RNF111: variants seen among roughly 807,000 people sequenced by gnomAD.
RNF111 encodes the protein ring finger protein 111, also known as E3 ubiquitin-protein ligase Arkadia.
RNF111 carries 17 observed loss-of-function variants against 95.1 expected under a neutral mutation model. That is an observed-to-expected ratio of 0.18 (90% confidence interval 0.12 to 0.27). The LOEUF (loss-of-function observed/expected upper bound fraction) is 0.27. Ranked by LOEUF, RNF111 falls within the 10% of genes least tolerant of loss-of-function variation. The pLI is 1.00. For synonymous variants in RNF111, 440 were observed against 414.8 expected, an observed-to-expected ratio of 1.06 and a Z score of -0.74; for missense variants, 1,189 against 1,210.4, an observed-to-expected ratio of 0.98 and a Z score of 0.26.
rs2079162795 is a variant in RNF111 at position 59,095,513 on chromosome 15, CAGT to C, written c.*615_*617del. 6.5e-6 allele frequency: 1 copy of C among 153,030 alleles called. No homozygotes were observed. Among genetic ancestry groups the C allele is most frequent in the Admixed American group, 6.5e-5 (1 of 15,278 alleles). The allele number at this position is 153,030 out of a possible 1,614,324, so 9.5% of individuals were successfully genotyped here. ...GTGGTAGTCACATCACCAGAGTGAT[CAGT>C]ATAAATTTTCTTGGTGTATCCTTTT... On this transcript the variant is annotated 3_prime_UTR_variant, in exon 14 of 14. Transcript: ENST00000348370.
At chr15:59,057,828 A>G (rs964632371) in intron 4 of RNF111, among the ~76,000 whole-genome samples, 10 of 152,368 alleles carry the variant, frequency 6.6e-5, no homozygotes, top group Admixed American at 5.9e-4. Flanking sequence ...TGACAGTTCT[A>G]TGAAGAAAAT....
rs755807411 is a variant in RNF111, at chr15:59,052,373, A to G, written c.949A>G (p.Ile317Val). The change falls in exon 3 of 14, where the codon ATT becomes GTT. Residue 317 changes from isoleucine (I) to valine (V), a missense_variant. Ile to Val is a conservative substitution (Grantham distance 29, BLOSUM62 3). This residue lies in a region of RNF111 where 1,024 missense variants were observed against 925.9 expected (regional missense o/e 1.11). Coordinates refer to ENST00000348370, the MANE Select transcript of RNF111 (RefSeq NM_017610.8). ...TCCCCAGGTTACTGCCAATGAAGAA[A>G]TTAATGTTACCTCAACTGACAGTGA... The part of the protein sequence containing the change: ...STPQVTANEE[I>V]NVTSTDSEVE... The G allele has an allele frequency of 1.2e-6, 2 of 1,606,778 alleles. No homozygotes were observed. Among genetic ancestry groups the G allele is most frequent in the East Asian group, 2.2e-5 (1 of 44,534 alleles).
intron 1 of RNF111, among the ~76,000 whole-genome samples, chr15:59,021,263 G>T (rs1383421439): frequency 1.3e-5 from 2 of 152,140 alleles, no homozygotes; most frequent in Non-Finnish European, 2.9e-5. Flanking sequence ...TGATTCTCCT[G>T]TCTCAGCCTG....
intron 6 of RNF111, among the ~76,000 whole-genome samples, chr15:59,071,290 C>T (rs548226328): frequency 9.3e-6 from 1 of 107,902 alleles, no homozygotes; most frequent in East Asian, 2.6e-4. Context: ...CAGAGCGAGA[C>T]TCCATCTCAA....
At position 59,005,076 on chromosome 15, in the gene RNF111, A is replaced by G. The variant is rs150163497; in HGVS notation, c.-20+17008A>G. ...AGTTCACTTTATGGGCTTGATGTCTATCTAGAGGTGTTCTCCCAAATTCCA... is the reference window on the plus strand; with the variant it reads ...AGTTCACTTTATGGGCTTGATGTCTGTCTAGAGGTGTTCTCCCAAATTCCA... On this transcript the variant is annotated intron_variant, in intron 1 of 13. Transcript: ENST00000348370. Among the ~76,000 whole-genome samples, 381 of 152,296 alleles carry G rather than the reference A, an allele frequency of 2.5e-3. 3 individuals are homozygous for G. The highest frequency in any genetic ancestry group is 8.8e-3 in the African/African-American group (366 of 41,564).
chr15:58,988,076 G>T lies in RNF111; in HGVS notation c.-20+8G>T, dbSNP rs939383081. On this transcript the variant is annotated splice_region_variant and intron_variant, in intron 1 of 13. Coordinates refer to ENST00000348370, the MANE Select transcript of RNF111 (RefSeq NM_017610.8). ...GGGTGGCTAATGATTAAGGTGAGGG[G>T]AACGGGGGGGGAGGGGATCCATTGG... The T allele has an allele frequency of 7.1e-6, 1 of 140,148 alleles. No individual in the cohort carries two copies. The highest frequency in any genetic ancestry group is 2.6e-4 in the South Asian group (1 of 3,816). 8.7% of individuals were successfully genotyped at this position (140,148 alleles called of 1,614,324 possible). A position where few individuals can be genotyped will look rare whatever the true frequency, so the allele number is the denominator to read the frequency against.
At chr15:59,046,060 TAAC>T (rs1215898803) in intron 2 of RNF111, among the ~76,000 whole-genome samples, 143 of 152,346 alleles carry the variant, frequency 9.4e-4, no homozygotes, top group Non-Finnish European at 2.5e-4. Context: ...TAATTGATAA[TAAC>T]ATTTCGCAAA....
intron 9 of RNF111, among the ~76,000 whole-genome samples, chr15:59,084,667 ATTC>A (rs2078846440): frequency 6.6e-6 from 1 of 152,096 alleles, no homozygotes; most frequent in Non-Finnish European, 1.5e-5. Flanking sequence ...ACGGTACGTT[ATTC>A]TTCACTGTAG....
intron 2 of RNF111, among the ~76,000 whole-genome samples, chr15:59,036,433 C>T (rs924464526): frequency 1.3e-5 from 2 of 152,150 alleles, no homozygotes; most frequent in African/African-American, 2.4e-5. Context: ...GCCTCACAAT[C>T]GTGGCAGGTC....
At chr15:59,075,312 A>T (rs2043119470) in intron 6 of RNF111, among the ~76,000 whole-genome samples, 1 of 152,240 alleles carries the variant, frequency 6.6e-6, no homozygotes. Flanking sequence ...AATGCAATAA[A>T]TATGCCTATA....
At chr15:58,990,812 T>C (rs991916659) in intron 1 of RNF111, among the ~76,000 whole-genome samples, 1 of 152,232 alleles carries the variant, frequency 6.6e-6, no homozygotes, top group South Asian at 2.1e-4. Flanking sequence ...TCATCTGGAA[T>C]AATTTGTTTT....
intron 2 of RNF111, among the ~76,000 whole-genome samples, chr15:59,047,992 C>T (rs543690406): frequency 6.6e-6 from 1 of 152,332 alleles, no homozygotes; most frequent in East Asian, 1.9e-4. Context: ...GAACCTGAAA[C>T]CTTCATTTCC....
rs1224138488 is a variant in RNF111 at position 59,000,896 on chromosome 15, GA to G, written c.-20+12829del. On this transcript the variant is annotated intron_variant, in intron 1 of 13. Transcript: ENST00000348370. ...TCTAAGCTTTTGGGCACATAGTAGT[GA>G]TCAAAACGAAATCTGCTCTGGTGGG... 3.6e-4 allele frequency among the ~76,000 whole-genome samples: 55 copies of G among 152,248 alleles called. 1 individual carries two copies. The highest frequency in any genetic ancestry group is 1.3e-3 in the African/African-American group (53 of 41,544).
chr15:59,010,525 C>T (rs2141539085), intron 1 of RNF111, among the ~76,000 whole-genome samples: 1 of 152,194 alleles, frequency 6.6e-6, no homozygotes, highest in Non-Finnish European at 1.5e-5. Context: ...CCTCAGCCTC[C>T]CAAGTAGCTG....
At chr15:59,091,571 G>A (rs1566948050) in intron 12 of RNF111, among the ~76,000 whole-genome samples, 1 of 152,080 alleles carries the variant, frequency 6.6e-6, no homozygotes, top group Non-Finnish European at 1.5e-5. Context: ...TGGCAGTACT[G>A]TAATTTTTTT....
chr15:59,080,957 TTCA>T lies in RNF111; in HGVS notation c.1977_1979del (p.His659del). 1 of 1,612,656 alleles carries T rather than the reference TTCA, an allele frequency of 6.2e-7. No individual in the cohort carries two copies. The highest frequency in any genetic ancestry group is 8.5e-7 in the Non-Finnish European group (1 of 1,179,174). ...GCAGATGCCTCTTTGACAAGGCCAC[TTCA>T]TCATCAAGCTTCTGCCTGCCCGCAT... On this transcript the variant is annotated inframe_deletion, in exon 8 of 14. Transcript: ENST00000348370.
At chr15:59,080,794 A>C (rs1288987411) in intron 7 of RNF111, 142 bp from the exon 8 acceptor site, 6 of 626,998 alleles carry the variant, frequency 9.6e-6, no homozygotes, top group Non-Finnish European at 1.6e-5. Context: ...TTGCTTGAGC[A>C]GTTGCTTGAA....
At chr15:59,090,987 T>A in intron 11 of RNF111, 72 bp from the exon 12 acceptor site, 1 of 918,988 alleles carries the variant, frequency 1.1e-6, no homozygotes, top group African/African-American at 1.7e-5. Flanking sequence ...TTATTTCTTA[T>A]ACAATGTTGA....
intron 2 of RNF111, among the ~76,000 whole-genome samples, chr15:59,041,427 C>T (rs1352993226): frequency 6.6e-6 from 1 of 152,042 alleles, no homozygotes; most frequent in Non-Finnish European, 1.5e-5. Context: ...GGTGGCTGCA[C>T]CTGTAATCCC....
Sources: allele counts gnomAD v4.1 joint callset (sites outside exome capture counted in the v4.1 genomes callset), GRCh38; gene constraint gnomAD v4.1.1; regional missense constraint gnomAD v4.1.1; transcripts MANE v1.5; gene names NCBI Gene and HGNC (gene_info 2026-07-23, HGNC 2026-07-21).